GNB4: variants seen among roughly 807,000 people sequenced by gnomAD.
GNB4 encodes G protein subunit beta 4.
A neutral mutation model predicts 45.2 loss-of-function variants in GNB4; 28 were observed. The ratio of observed to expected loss-of-function variants is 0.62; its 90% CI spans 0.46 to 0.85. The LOEUF (loss-of-function observed/expected upper bound fraction) is 0.85. Ranked by LOEUF, GNB4 falls within the 40% of genes least tolerant of loss-of-function variation. The probability of loss-of-function intolerance (pLI) is 0.00; values close to 1 mark genes in which losing one functional copy is unlikely to be tolerated. For missense variants in GNB4, 321 were observed against 425.4 expected (o/e 0.75, Z 2.16); for synonymous variants, 132 against 143.7 (o/e 0.92, Z 0.58).
the GNB4 span, among the ~76,000 whole-genome samples, chr3:179,468,035 A>AAAAATATAT: frequency 2.2e-4 from 20 of 89,800 alleles, no homozygotes; most frequent in East Asian, 1.7e-3. Flanking sequence ...TGTTGATAAA[A>AAAAATATAT]ATATATATAT....
the GNB4 span, among the ~76,000 whole-genome samples, chr3:179,520,583 A>T: frequency 6.6e-6 from 1 of 152,146 alleles, no homozygotes; most frequent in Non-Finnish European, 1.5e-5. Flanking sequence ...TACAGTTCTC[A>T]TAACTTCCAG....
At chr3:179,483,163 T>C in the GNB4 span, among the ~76,000 whole-genome samples, 1 of 152,178 alleles carries the variant, frequency 6.6e-6, no homozygotes, top group Admixed American at 6.5e-5. Context: ...TGTCTGTTTT[T>C]CCTGTGTATA....
the GNB4 span, among the ~76,000 whole-genome samples, chr3:179,498,823 T>C: frequency 4.0e-4 from 60 of 151,046 alleles, no homozygotes; most frequent in Admixed American, 6.6e-4. Flanking sequence ...ACGTGCAGGT[T>C]TGTTACATAA....
At chr3:179,450,807 C>T (rs1016950856) in intron 1 of GNB4, among the ~76,000 whole-genome samples, 2 of 152,146 alleles carry the variant, frequency 1.3e-5, no homozygotes, top group Non-Finnish European at 2.9e-5. Flanking sequence ...TTCATCAATC[C>T]CCTCCCATCC....
At chr3:179,436,259 G>A (rs1025205193) in intron 1 of GNB4, among the ~76,000 whole-genome samples, 7 of 152,062 alleles carry the variant, frequency 4.6e-5, no homozygotes, top group Non-Finnish European at 1.0e-4. Flanking sequence ...TTAGCCAGGC[G>A]CATGCCTATA....
the GNB4 span, among the ~76,000 whole-genome samples, chr3:179,489,046 A>ATATATATATAT: frequency 1.3e-4 from 5 of 38,736 alleles, no homozygotes; most frequent in East Asian, 2.1e-3. Flanking sequence ...ATATATATAT[A>ATATATATATAT]ATATATATGT....
the GNB4 span, among the ~76,000 whole-genome samples, chr3:179,487,549 T>C: frequency 7.9e-5 from 12 of 152,168 alleles, no homozygotes; most frequent in East Asian, 2.1e-3. Flanking sequence ...AATGTTAAAA[T>C]AGAGATCATA....
At chr3:179,403,077 T>G (rs1432313720) in intron 9 of GNB4, among the ~76,000 whole-genome samples, 1 of 152,022 alleles carries the variant, frequency 6.6e-6, no homozygotes, top group Non-Finnish European at 1.5e-5. Flanking sequence ...TTTATACACT[T>G]CATGGAGGAA....
At chr3:179,456,245 C>T (rs1202645827), upstream of GNB4, among the ~76,000 whole-genome samples, 2 of 151,972 alleles carry the variant, frequency 1.3e-5, no homozygotes, top group Admixed American at 6.6e-5. Context: ...GCATGTGCCA[C>T]CACATACAGC....
chr3:179,516,317 A>C, the GNB4 span, among the ~76,000 whole-genome samples: 1 of 152,242 alleles, frequency 6.6e-6, no homozygotes, highest in African/African-American at 2.4e-5. Flanking sequence ...TGGGAAGGCC[A>C]AACCTAAGAA....
At chr3:179,436,044 TA>T (rs1715438214) in intron 1 of GNB4, among the ~76,000 whole-genome samples, 2 of 152,234 alleles carry the variant, frequency 1.3e-5, no homozygotes, top group Admixed American at 6.5e-5. Context: ...CTAAGTTTCA[TA>T]CCAATCATGA....
At chr3:179,432,974 G>A (rs1715348446) in intron 1 of GNB4, among the ~76,000 whole-genome samples, 2 of 152,142 alleles carry the variant, frequency 1.3e-5, no homozygotes, top group South Asian at 4.1e-4. Flanking sequence ...TCCTCCATTG[G>A]GTCTTAGCCA....
Position 179,415,291 on chromosome 3 carries a change from C to A in GNB4, c.268-244G>T, listed in dbSNP as rs760596568. On this transcript the variant is annotated intron_variant, in intron 5 of 9. Transcript: ENST00000232564. ...AAAAGTGCTCTTTTTGGAAATAATT[C>A]TCTTAATAAAATAATGAACATAAAG... Among the ~76,000 whole-genome samples, 29 of 152,032 alleles carry A rather than the reference C, an allele frequency of 1.9e-4. 1 individual carries two copies. Among genetic ancestry groups the A allele is most frequent in the Non-Finnish European group, 4.0e-4 (27 of 67,998 alleles).
the GNB4 span, among the ~76,000 whole-genome samples, chr3:179,468,035 A>AAAAAATATATATATATATATATATAT: frequency 6.2e-3 from 559 of 89,824 alleles, 23 homozygotes; most frequent in African/African-American, 0.022. Context: ...TGTTGATAAA[A>AAAAAATATATATATATATATATATAT]ATATATATAT....
chr3:179,398,656 CA>C lies in GNB4; in HGVS notation c.*2556del, dbSNP rs1714192884. The C allele has an allele frequency of 6.6e-6, 1 of 152,138 alleles. No individual in the cohort carries two copies. Among genetic ancestry groups the C allele is most frequent in the Non-Finnish European group, 1.5e-5 (1 of 68,030 alleles). 9.4% of individuals were successfully genotyped at this position (152,138 alleles called of 1,614,324 possible). A position where few individuals can be genotyped will look rare whatever the true frequency, so the allele number is the denominator to read the frequency against. ...TCAACATCTCTACAAATTATATACT[CA>C]TTGAATTCAGGAACAATAACAGAAT... On this transcript the variant is annotated 3_prime_UTR_variant, in exon 10 of 10. Coordinates refer to ENST00000232564, the MANE Select transcript of GNB4 (RefSeq NM_021629.4).
At chr3:179,476,790 C>G in the GNB4 span, among the ~76,000 whole-genome samples, 1 of 152,232 alleles carries the variant, frequency 6.6e-6, no homozygotes, top group Non-Finnish European at 1.5e-5. Flanking sequence ...GATTGAACCT[C>G]ACCTGGGCCT....
Position 179,426,618 on chromosome 3 carries a change from C to G in GNB4, c.-42-376G>C, listed in dbSNP as rs143638731. Among the ~76,000 whole-genome samples the G allele has an allele frequency of 2.4e-4, 36 of 152,142 alleles. No individual in the cohort carries two copies. In the East Asian group the frequency reaches 6.0e-3, roughly 25 times the overall value. ...TACCTCAAAACTGAACCCCACCCCA[C>G]CCCCAAGCCTTCCCCATCTCAGGAA... is the stretch of plus-strand genomic sequence containing the variant. On this transcript the variant is annotated intron_variant, in intron 1 of 9. Coordinates refer to ENST00000232564, the MANE Select transcript of GNB4 (RefSeq NM_021629.4).
At chr3:179,504,520 A>G in the GNB4 span, among the ~76,000 whole-genome samples, 1 of 152,186 alleles carries the variant, frequency 6.6e-6, no homozygotes, top group African/African-American at 2.4e-5. Context: ...TTAGAACACC[A>G]TGCATTGAAA....
At chr3:179,417,308 T>A (rs1714828431) in intron 4 of GNB4, among the ~76,000 whole-genome samples, 1 of 152,138 alleles carries the variant, frequency 6.6e-6, no homozygotes, top group South Asian at 2.1e-4. Flanking sequence ...GAAAAATAAG[T>A]TGAGAAAAGC....
Sources: gnomAD v4.1 joint callset for allele counts (sites outside exome capture counted in the v4.1 genomes callset) on GRCh38, gnomAD v4.1.1 for gene constraint, MANE v1.5 for transcripts, NCBI Gene and HGNC (gene_info 2026-07-23, HGNC 2026-07-21) for gene names.